The following EPHB2 variants were observed in gnomAD, a reference collection of about 807,000 sequenced individuals.
The protein encoded by EPHB2 is ephrin type-B receptor 2.
Under a neutral mutation model 96.4 loss-of-function variants are expected in EPHB2, and 18 were observed. That is an observed-to-expected ratio of 0.19 (90% confidence interval 0.13 to 0.28). The LOEUF (loss-of-function observed/expected upper bound fraction) is 0.28, where lower values mean the gene tolerates loss of function less well. EPHB2 is among the 10% of genes least tolerant of loss of function. The pLI, the probability that EPHB2 is intolerant of heterozygous loss-of-function variation, is 1.00. For missense variants in EPHB2, 989 were observed against 1,355.4 expected (o/e 0.73, Z 4.25); for synonymous variants, 506 against 534.1 (o/e 0.95, Z 0.72).
intron 3 of EPHB2, among the ~76,000 whole-genome samples, chr1:22,795,595 T>C (rs1012461884): frequency 6.6e-6 from 1 of 152,190 alleles, no homozygotes; most frequent in African/African-American, 2.4e-5. Context: ...CAGAAAAGAT[T>C]GGAGGCTGCT....
chr1:22,876,709 A>T (rs961295939), intron 5 of EPHB2, among the ~76,000 whole-genome samples: 1 of 152,154 alleles, frequency 6.6e-6, no homozygotes, highest in Non-Finnish European at 1.5e-5. Flanking sequence ...GGGAAACCTG[A>T]CACCCCAGGG....
At chr1:22,857,482 G>A (rs963650793) in intron 3 of EPHB2, among the ~76,000 whole-genome samples, 2 of 152,124 alleles carry the variant, frequency 1.3e-5, no homozygotes, top group Non-Finnish European at 2.9e-5. Flanking sequence ...CCAGGGAGCT[G>A]CAAGCAGATG....
At chr1:22,824,251 C>T (rs1645192524) in intron 3 of EPHB2, among the ~76,000 whole-genome samples, 1 of 144,110 alleles carries the variant, frequency 6.9e-6, no homozygotes, top group South Asian at 2.2e-4. Context: ...GAAGGTCTAA[C>T]TGATGGATGG....
At chr1:22,730,154 C>G in intron 1 of EPHB2, among the ~76,000 whole-genome samples, 1 of 152,234 alleles carries the variant, frequency 6.6e-6, no homozygotes, top group East Asian at 1.9e-4. Flanking sequence ...GCACAGCCCC[C>G]TGGGAGGAAG....
intron 1 of EPHB2, among the ~76,000 whole-genome samples, chr1:22,731,180 G>A (rs183580458): frequency 1.4e-4 from 22 of 152,242 alleles, no homozygotes; most frequent in Admixed American, 1.4e-3. Flanking sequence ...TTGACAATGC[G>A]ATCTCCTGGC....
intron 1 of EPHB2, among the ~76,000 whole-genome samples, chr1:22,756,810 GAGGCTGT>G (rs147864408): frequency 0.02 from 3,077 of 152,298 alleles, 107 homozygotes; most frequent in African/African-American, 0.07. Context: ...TAGATATGAG[GAGGCTGT>G]AGACAGAACA....
chr1:22,912,889 G>A, intron 15 of EPHB2: 1 of 432,952 alleles, frequency 2.3e-6, no homozygotes, highest in Non-Finnish European at 4.3e-6. Flanking sequence ...AAAGGAAGCG[G>A]GTGCTTAGAA....
chr1:22,896,282 G>A, intron 8 of EPHB2, 132 bp from the exon 9 acceptor site: 1 of 1,104,840 alleles, frequency 9.1e-7, no homozygotes, highest in South Asian at 1.4e-5. Context: ...GGGGCCAAAA[G>A]GGGCAGGCAG....
At chr1:22,715,301 A>G (rs192099885) in intron 1 of EPHB2, among the ~76,000 whole-genome samples, 109 of 152,290 alleles carry the variant, frequency 7.2e-4, no homozygotes, top group African/African-American at 2.5e-3. Context: ...GCTGGGGATA[A>G]CGAATAGACC....
intron 5 of EPHB2, among the ~76,000 whole-genome samples, chr1:22,878,769 C>T (rs890104081): frequency 3.3e-5 from 5 of 152,248 alleles, no homozygotes; most frequent in Non-Finnish European, 5.9e-5. Flanking sequence ...GGCTCCCCAC[C>T]GCTAGGCTAG....
At chr1:22,711,589 A>C (rs1018270224) in intron 1 of EPHB2, among the ~76,000 whole-genome samples, 12 of 151,354 alleles carry the variant, frequency 7.9e-5, no homozygotes, top group Non-Finnish European at 1.6e-4. Flanking sequence ...GGAGCGCGCC[A>C]GCCCCCGCGT....
At chr1:22,841,837 G>T (rs1017368358) in intron 3 of EPHB2, among the ~76,000 whole-genome samples, 12 of 152,184 alleles carry the variant, frequency 7.9e-5, no homozygotes, top group African/African-American at 2.9e-4. Context: ...TCTCCAGGAG[G>T]GATCCTGTTT....
intron 1 of EPHB2, among the ~76,000 whole-genome samples, chr1:22,714,700 G>C (rs910940959): frequency 1.3e-5 from 2 of 152,308 alleles, no homozygotes. Context: ...TGCAATGTGT[G>C]GTGACGTTCA....
intron 3 of EPHB2, among the ~76,000 whole-genome samples, chr1:22,795,826 T>C (rs1196304335): frequency 6.6e-6 from 1 of 152,174 alleles, no homozygotes; most frequent in African/African-American, 2.4e-5. Flanking sequence ...TGGAGCCCCT[T>C]GTCATCTCTA....
At chr1:22,736,706 G>A (rs1229345262) in intron 1 of EPHB2, among the ~76,000 whole-genome samples, 1 of 152,330 alleles carries the variant, frequency 6.6e-6, no homozygotes, top group East Asian at 1.9e-4. Flanking sequence ...GTGGATAAAG[G>A]CGCTGCCCAG....
At chr1:22,763,091 T>A (rs746659096) in intron 1 of EPHB2, among the ~76,000 whole-genome samples, 15 of 152,134 alleles carry the variant, frequency 9.9e-5, no homozygotes, top group Admixed American at 2.6e-4. Flanking sequence ...AGGGGTTCCC[T>A]GCCAGGATCT....
intron 5 of EPHB2, among the ~76,000 whole-genome samples, chr1:22,865,649 G>C (rs1638448095): frequency 6.6e-6 from 1 of 152,198 alleles, no homozygotes; most frequent in African/African-American, 2.4e-5. Context: ...AGGCATGTCT[G>C]TGCGAAGAGA....
At position 22,865,134 on chromosome 1, in the gene EPHB2, C is replaced by T; in HGVS notation, c.1225C>T (p.Gln409Ter). Residue 409 changes from glutamine (Q) to a stop codon, truncating the protein, a stop_gained, in exon 5 of 16, where the codon CAG (glutamine) becomes TAG (stop). Coordinates refer to ENST00000374630, the MANE Select transcript of EPHB2 (RefSeq NM_017449.5). LOFTEE classifies it high-confidence loss of function. Reference protein sequence around the residue: ...LAHTQYTFEIQAVNGVTDQSP... With the variant: ...LAHTQYTFEI Reference sequence around the variant, plus strand: ...CCACACCCAGTACACCTTCGAGATCCAGGCTGTGAACGGCGTTACTGACCA... The same window carrying T: ...CCACACCCAGTACACCTTCGAGATCTAGGCTGTGAACGGCGTTACTGACCA... 1 of 1,614,212 alleles carries T rather than the reference C, an allele frequency of 6.2e-7. No homozygotes were observed. Among genetic ancestry groups the T allele is most frequent in the Non-Finnish European group, 8.5e-7 (1 of 1,180,046 alleles).
chr1:22,727,022 T>A (rs972603609), intron 1 of EPHB2, among the ~76,000 whole-genome samples: 4 of 152,098 alleles, frequency 2.6e-5, no homozygotes, highest in African/African-American at 9.7e-5. Flanking sequence ...GAGAAAGAAA[T>A]GGCAGGAGAG....
Sources: gnomAD v4.1 joint callset for allele counts (sites outside exome capture counted in the v4.1 genomes callset) on GRCh38, gnomAD v4.1.1 for gene constraint, MANE v1.5 for transcripts, NCBI Gene and HGNC (gene_info 2026-07-23, HGNC 2026-07-21) for gene names.